Variants in YEATS2 observed in about 807,000 individuals in gnomAD.
YEATS2 encodes the protein YEATS domain-containing protein 2.
In YEATS2, 77 loss-of-function variants were observed where a neutral mutation model predicts 163.2. The ratio of observed to expected loss-of-function variants is 0.47; its 90% CI spans 0.39 to 0.57. YEATS2 has a LOEUF of 0.57. Among genes scored for constraint, YEATS2 ranks in the 20% least tolerant of loss-of-function variants. The probability of loss-of-function intolerance (pLI) is 0.00; values close to 1 mark genes in which losing one functional copy is unlikely to be tolerated. For missense variants in YEATS2, 1,549 were observed against 1,729.8 expected (o/e 0.90, Z 1.85); for synonymous variants, 631 against 645.1 (o/e 0.98, Z 0.33).
intron 21 of YEATS2, among the ~76,000 whole-genome samples, chr3:183,792,938 G>A (rs781587476): frequency 2.9e-4 from 44 of 152,170 alleles, no homozygotes; most frequent in Admixed American, 9.8e-4. Context: ...ACATCATACT[G>A]TCTCAGCTGC....
chr3:183,803,452 TA>T lies in YEATS2; in HGVS notation c.3582+125del, dbSNP rs200256060. 9.2e-5 allele frequency: 98 copies of T among 1,062,076 alleles called. 1 individual carries two copies. Among genetic ancestry groups the T allele is most frequent in the East Asian group, 9.2e-4 (35 of 38,098 alleles). 65.8% of individuals were successfully genotyped at this position (1,062,076 alleles called of 1,614,324 possible). On this transcript the variant is annotated intron_variant, in intron 26 of 30. Coordinates refer to ENST00000305135, the MANE Select transcript of YEATS2 (RefSeq NM_018023.5). ...TTGATGGCAGAATATTTTCCTCAGT[TA>T]AAAAAAATCTCATTTTTCAAAGACC...
intron 15 of YEATS2, among the ~76,000 whole-genome samples, chr3:183,767,192 A>G (rs1721990405): frequency 6.6e-6 from 1 of 152,018 alleles, no homozygotes; most frequent in African/African-American, 2.4e-5. Flanking sequence ...TCTGCTGGTA[A>G]AGACTGCCCT....
At position 183,787,859 on chromosome 3, in the gene YEATS2, G is replaced by A. The variant is rs2682435; in HGVS notation, c.2913+1558G>A. ...AAAAATACAAAAAAAAAAAATTAGC[G>A]GGGCGTGGTGACGGGCGCCTGTAGT... On this transcript the variant is annotated intron_variant, in intron 20 of 30. Coordinates refer to ENST00000305135, the MANE Select transcript of YEATS2 (RefSeq NM_018023.5). Among the ~76,000 whole-genome samples the A allele has an allele frequency of 4.6e-5, 7 of 151,182 alleles. No individual in the cohort carries two copies. The East Asian group carries it at 1.2e-3, about 25-fold the overall frequency.
In YEATS2 at chr3:183,757,692, A is replaced by G. The variant is rs531960219; in HGVS notation, c.1552+1003A>G. Among the ~76,000 whole-genome samples the G allele has an allele frequency of 3.5e-4, 54 of 152,314 alleles. 1 individual carries two copies. In the East Asian group the frequency reaches 0.01, roughly 29 times the overall value. On this transcript the variant is annotated intron_variant, in intron 12 of 30. Transcript: ENST00000305135. ...AAATAAAAGGGATGATTATAAGATA[A>G]TGAGACTGATTTTTTTGTTGTTGTT...
Position 183,786,242 on chromosome 3 carries a change from G to A in YEATS2, c.2854G>A (p.Val952Ile), listed in dbSNP as rs1460810107. Residue 952 changes from valine (V) to isoleucine (I), a missense_variant, in exon 20 of 31, where the codon GTT becomes ATT. Physicochemically the swap from Val to Ile is conservative, Grantham distance 29 (BLOSUM62 3). Coordinates refer to ENST00000305135, the MANE Select transcript of YEATS2 (RefSeq NM_018023.5). Reference sequence around the variant, plus strand: ...CACAATGCTGAGAGTAGCAGGAGGGGTTATCACAACTGCCACTTCCCCTGC... The same window carrying A: ...CACAATGCTGAGAGTAGCAGGAGGGATTATCACAACTGCCACTTCCCCTGC... ...GTTMLRVAGGVITTATSPAVA... is the reference protein window; with the variant it reads ...GTTMLRVAGGIITTATSPAVA... 1 of 1,614,118 alleles carries A rather than the reference G, an allele frequency of 6.2e-7. No homozygotes were observed. Among genetic ancestry groups the A allele is most frequent in the South Asian group, 1.1e-5 (1 of 91,072 alleles).
In YEATS2 at chr3:183,809,174, T is replaced by C. The variant is rs763815229; in HGVS notation, c.4160+4T>C. ...ACCAGACAGCTTCTCACAACAGGTA[T>C]TACTATCTCTGCAGTCTGTGGTGTG... On this transcript the variant is annotated splice_donor_region_variant and intron_variant, in intron 30 of 30. Coordinates refer to ENST00000305135, the MANE Select transcript of YEATS2 (RefSeq NM_018023.5). The C allele has an allele frequency of 1.9e-6, 3 of 1,613,946 alleles. No homozygotes were observed. Among genetic ancestry groups the C allele is most frequent in the Middle Eastern group, 1.7e-4 (1 of 6,058 alleles).
At chr3:183,775,631 T>G (rs1722911080) in intron 17 of YEATS2, among the ~76,000 whole-genome samples, 1 of 152,130 alleles carries the variant, frequency 6.6e-6, no homozygotes, top group South Asian at 2.1e-4. Flanking sequence ...GTAGCAAGCC[T>G]TCTCTTGATC....
chr3:183,808,033 G>T lies in YEATS2; in HGVS notation c.4015G>T (p.Gly1339Trp). The change falls in exon 29 of 31, where the codon GGG becomes TGG. Residue 1339 changes from glycine (G) to tryptophan (W), a missense_variant. Transcript: ENST00000305135. ...CGGCTTTCTTCTGCTTTTCCAGATT[G>T]GGATCACCCTGCAGCCCGTGGCACT... is the stretch of plus-strand genomic sequence containing the variant. ...EFIGDVTQKI[G>W]ITLQPVALHR... 1 of 1,560,228 alleles carries T rather than the reference G, an allele frequency of 6.4e-7. No homozygotes were observed. The highest frequency in any genetic ancestry group is 8.7e-7 in the Non-Finnish European group (1 of 1,151,390).
At chr3:183,769,189 A>G (rs971228381) in intron 15 of YEATS2, among the ~76,000 whole-genome samples, 4 of 152,200 alleles carry the variant, frequency 2.6e-5, no homozygotes, top group African/African-American at 9.6e-5. Context: ...CCCAGTTTTA[A>G]CAATTACCAG....
intron 13 of YEATS2, among the ~76,000 whole-genome samples, chr3:183,760,876 A>C (rs767696436): frequency 1.3e-5 from 2 of 152,194 alleles, no homozygotes; most frequent in Non-Finnish European, 2.9e-5. Flanking sequence ...AATTAAATAC[A>C]GTCCCTGTCC....
At chr3:183,722,276 ATCTTTTTTTTTT>A in intron 5 of YEATS2, 140 bp downstream of exon 5, 2 of 584,278 alleles carry the variant, frequency 3.4e-6, no homozygotes, top group Admixed American at 5.3e-5. Context: ...GGGAAACCAA[ATCTTTTTTTTTT>A]TTTTTTTTTT....
At chr3:183,769,363 G>A (rs1722226657) in intron 15 of YEATS2, among the ~76,000 whole-genome samples, 2 of 152,212 alleles carry the variant, frequency 1.3e-5, no homozygotes, top group Admixed American at 6.5e-5. Context: ...ACAAATGTCT[G>A]TCCTTTGGCT....
chr3:183,701,748 T>C (rs1439528567), intron 1 of YEATS2, among the ~76,000 whole-genome samples: 1 of 152,056 alleles, frequency 6.6e-6, no homozygotes, highest in Non-Finnish European at 1.5e-5. Flanking sequence ...AAAAAGTATA[T>C]CCACACTCTC....
rs560397727 is a variant in YEATS2, at chr3:183,763,787, C to T, written c.1947+1508C>T. Among the ~76,000 whole-genome samples, 413 of 152,114 alleles carry T rather than the reference C, an allele frequency of 2.7e-3. 2 individuals carry two copies. Among genetic ancestry groups the T allele is most frequent in the African/African-American group, 9.5e-3 (395 of 41,496 alleles). On this transcript the variant is annotated intron_variant, in intron 15 of 30. Coordinates refer to ENST00000305135, the MANE Select transcript of YEATS2 (RefSeq NM_018023.5). ...AGCTATTAAGTATATAATATGGGCT[C>T]GGCATGGTGGCTCACACCTGTGAGC...
chr3:183,805,639 A>G (rs1275507864), intron 27 of YEATS2, among the ~76,000 whole-genome samples: 1 of 151,898 alleles, frequency 6.6e-6, no homozygotes, highest in African/African-American at 2.4e-5. Context: ...AAATGCAAAA[A>G]TTAGCCGGGC....
chr3:183,790,949 A>G lies in YEATS2; in HGVS notation c.3066A>G (p.Pro1022=), dbSNP rs1724569325. The change falls in exon 21 of 31, where the codon CCA becomes CCG. Residue 1022 remains proline (P), a synonymous_variant. Transcript: ENST00000305135. Reference sequence around the variant, plus strand: ...GCGCCACGTCCCTCGTGCCTACACCAAACCCCATCTCTGGGAAAGCCACAG... The same window carrying G: ...GCGCCACGTCCCTCGTGCCTACACCGAACCCCATCTCTGGGAAAGCCACAG... ...VVSATSLVPT[P]NPISGKATVS... is the part of the protein sequence containing the mutation. 8.7e-6 allele frequency: 14 copies of G among 1,614,106 alleles called. No individual in the cohort carries two copies. Among genetic ancestry groups the G allele is most frequent in the Non-Finnish European group, 1.2e-5 (14 of 1,179,982 alleles).
chr3:183,744,057 G>A (rs958078031), intron 8 of YEATS2, among the ~76,000 whole-genome samples: 3 of 150,780 alleles, frequency 2.0e-5, no homozygotes, highest in Non-Finnish European at 4.4e-5. Context: ...TTTATTAAGG[G>A]GCAGAGTACT....
chr3:183,747,814 C>T, intron 9 of YEATS2, 98 bp downstream of exon 9: 2 of 1,152,456 alleles, frequency 1.7e-6, no homozygotes, highest in Non-Finnish European at 2.5e-6. Flanking sequence ...GGTCTTCGCT[C>T]TGTCACCCAG....
At position 183,808,080 on chromosome 3, in the gene YEATS2, C is replaced by T. The variant is rs768980129; in HGVS notation, c.4062C>T (p.Ser1354=). Reference sequence around the variant, plus strand: ...CACTCCACAGGAACGTGTATGCGTCCGTGGTGGAGGACATGATCCTGAAGG... The same window carrying T: ...CACTCCACAGGAACGTGTATGCGTCTGTGGTGGAGGACATGATCCTGAAGG... The part of the protein sequence containing the change: ...PVALHRNVYA[S]VVEDMILKAT... Residue 1354 remains serine (S), a synonymous_variant, in exon 29 of 31, where the codon TCC becomes TCT. Transcript: ENST00000305135. 2.1e-5 allele frequency: 32 copies of T among 1,557,804 alleles called. No homozygotes were observed. In the East Asian group the frequency reaches 3.1e-4, roughly 15 times the overall value.
Sources: gnomAD v4.1 joint callset for allele counts (sites outside exome capture counted in the v4.1 genomes callset) on GRCh38, gnomAD v4.1.1 for gene constraint, MANE v1.5 for transcripts, NCBI Gene and HGNC (gene_info 2026-07-23, HGNC 2026-07-21) for gene names.